ANO1: variants seen among roughly 807,000 people sequenced by gnomAD.
The protein encoded by ANO1 is anoctamin 1.
A neutral mutation model predicts 124.0 loss-of-function variants in ANO1; 59 were observed. The observed-to-expected ratio is 0.48, with a 90% CI of 0.39 to 0.59. The LOEUF is 0.59. Ranked by LOEUF, ANO1 falls within the 20% of genes least tolerant of loss-of-function variation. ANO1 has a pLI of 0.00. For synonymous variants in ANO1, 529 were observed against 532.0 expected (o/e 0.99, Z 0.08); for missense variants, 1,059 against 1,328.0 (o/e 0.80, Z 3.15).
At chr11:70,032,370 G>A (rs1857016842) in intron 1 of ANO1, among the ~76,000 whole-genome samples, 2 of 152,132 alleles carry the variant, frequency 1.3e-5, no homozygotes, top group Non-Finnish European at 2.9e-5. Flanking sequence ...GCAGGCAGGT[G>A]CCCCTGGGAG....
At position 70,062,146 on chromosome 11, in the gene ANO1, G is replaced by A. The variant is rs144808514; in HGVS notation, c.59-16396G>A. 3.1e-3 allele frequency among the ~76,000 whole-genome samples: 406 copies of A among 132,842 alleles called. 3 individuals carry two copies. The highest frequency in any genetic ancestry group is 0.011 in the African/African-American group (381 of 34,576). 87.1% of individuals were successfully genotyped at this position (132,842 alleles called of 152,430 possible). On this transcript the variant is annotated intron_variant, in intron 1 of 27. Coordinates refer to the ANO1 transcript ENST00000531349. The stretch of plus-strand genomic sequence containing the variant: ...GGCTGGAGTGCAATGGTGCAATCTT[G>A]GCTCACTGCAACCTCTGCCTCTGAG...
intron 11 of ANO1, among the ~76,000 whole-genome samples, chr11:70,143,938 T>C (rs1049704923): frequency 2.0e-5 from 3 of 152,132 alleles, no homozygotes; most frequent in African/African-American, 7.2e-5. Context: ...CCAGAACATT[T>C]TCATGACCTC....
chr11:70,145,151 C>T (rs941757350), intron 11 of ANO1, among the ~76,000 whole-genome samples: 5 of 152,146 alleles, frequency 3.3e-5, no homozygotes, highest in African/African-American at 9.7e-5. Context: ...TTCCTGCCTT[C>T]GCTCACTCCA....
intron 1 of ANO1, among the ~76,000 whole-genome samples, chr11:69,988,090 A>G (rs1856084343): frequency 6.6e-6 from 1 of 152,222 alleles, no homozygotes; most frequent in South Asian, 2.1e-4. Flanking sequence ...CGCAGTAGGC[A>G]TGAAGAAATT....
the ANO1 span, among the ~76,000 whole-genome samples, chr11:69,975,963 T>C: frequency 6.6e-6 from 1 of 152,194 alleles, no homozygotes; most frequent in South Asian, 2.1e-4. Context: ...TTGGCCTTGC[T>C]GTCCTCTGCG....
rs146309463 is a variant in ANO1, at chr11:70,180,355, C to T, written c.2403+299C>T. ...TGGCACGATCTCAGCTCCCTACAAC[C>T]TCCGCCTCCCAGGTTCAAGCTATTC... On this transcript the variant is annotated intron_variant, in intron 23 of 25. Transcript: ENST00000355303. Among the ~76,000 whole-genome samples the T allele has an allele frequency of 8.1e-3, 1,236 of 152,246 alleles. 24 individuals are homozygous for T. Among genetic ancestry groups the T allele is most frequent in the African/African-American group, 0.028 (1,174 of 41,526 alleles).
At chr11:70,012,259 C>T (rs1555001231) in intron 1 of ANO1, among the ~76,000 whole-genome samples, 1 of 151,366 alleles carries the variant, frequency 6.6e-6, no homozygotes, top group Admixed American at 6.6e-5. Flanking sequence ...TCCATTTGTC[C>T]ATCTATTCAT....
intron 11 of ANO1, among the ~76,000 whole-genome samples, chr11:70,133,618 C>G (rs2046844460): frequency 6.6e-6 from 1 of 152,244 alleles, no homozygotes; most frequent in Non-Finnish European, 1.5e-5. Context: ...TGTCCCTACA[C>G]AGCTCGGCAG....
chr11:70,078,693 C>A lies in ANO1; in HGVS notation c.87C>A (p.Gly29=). The A allele has an allele frequency of 6.7e-7, 1 of 1,488,060 alleles. No individual in the cohort carries two copies. The highest frequency in any genetic ancestry group is 9.0e-7 in the Non-Finnish European group (1 of 1,107,718). 92.2% of individuals were successfully genotyped at this position (1,488,060 alleles called of 1,614,324 possible). Reference sequence around the variant, plus strand: ...ACATCTGCGCCATCGAGGACATCGGCTACCTGCCGTCCGAGGGCACGGTGA... The same window carrying A: ...ACATCTGCGCCATCGAGGACATCGGATACCTGCCGTCCGAGGGCACGGTGA... ...IINICAIEDI[G]YLPSEGTLLN... Residue 29 remains glycine (G), a synonymous_variant, in exon 1 of 26, where the codon GGC becomes GGA. Transcript: ENST00000355303.
chr11:70,159,145 A>G (rs540361195), intron 16 of ANO1, among the ~76,000 whole-genome samples: 38 of 152,248 alleles, frequency 2.5e-4, no homozygotes, highest in African/African-American at 8.2e-4. Flanking sequence ...ACCTTCTGCT[A>G]GCCTGTCCTA....
At chr11:70,172,183 CA>C (rs987491701) in intron 22 of ANO1, among the ~76,000 whole-genome samples, 25 of 148,630 alleles carry the variant, frequency 1.7e-4, no homozygotes, top group Admixed American at 6.7e-4. Context: ...TCAGAGGTGT[CA>C]AAAACAGAGC....
chr11:69,972,341 G>A, the ANO1 span, among the ~76,000 whole-genome samples: 6 of 151,996 alleles, frequency 3.9e-5, no homozygotes, highest in South Asian at 2.1e-4. Flanking sequence ...TGAAATGAGT[G>A]CCCAGTCACT....
At chr11:70,076,173 G>A (rs1565175003), upstream of ANO1, among the ~76,000 whole-genome samples, 1 of 152,230 alleles carries the variant, frequency 6.6e-6, no homozygotes, top group African/African-American at 2.4e-5. Flanking sequence ...AGTGGCAATA[G>A]CAAAGAAAGT....
chr11:70,089,171 C>A (rs937582755), intron 2 of ANO1, among the ~76,000 whole-genome samples: 12 of 152,246 alleles, frequency 7.9e-5, no homozygotes, highest in African/African-American at 2.6e-4. Flanking sequence ...CATCACTGTG[C>A]GGATTACCCA....
At chr11:69,979,261 A>G in the ANO1 span, among the ~76,000 whole-genome samples, 1 of 152,196 alleles carries the variant, frequency 6.6e-6, no homozygotes, top group Non-Finnish European at 1.5e-5. Context: ...GCTCCTGGTA[A>G]TAACATTTTG....
intron 25 of ANO1, 38 bp from the exon 26 acceptor site, chr11:70,187,700 C>A (rs747798868): frequency 6.3e-7 from 1 of 1,580,298 alleles, no homozygotes; most frequent in Non-Finnish European, 8.6e-7. Context: ...TCCCCAGGCG[C>A]CATCCTCCCT....
At chr11:70,029,488 G>C (rs544871819) in intron 1 of ANO1, among the ~76,000 whole-genome samples, 2 of 152,286 alleles carry the variant, frequency 1.3e-5, no homozygotes, top group Admixed American at 1.3e-4. Flanking sequence ...GCAGGGAGGA[G>C]TCTCCACCCC....
At chr11:70,035,568 G>A (rs776606632) in intron 1 of ANO1, among the ~76,000 whole-genome samples, 3 of 149,050 alleles carry the variant, frequency 2.0e-5, no homozygotes, top group Non-Finnish European at 1.5e-5. Context: ...TATGCAGAAC[G>A]TGCAGGTTTG....
At chr11:69,977,887 A>T in the ANO1 span, among the ~76,000 whole-genome samples, 13 of 152,250 alleles carry the variant, frequency 8.5e-5, no homozygotes, top group East Asian at 2.5e-3. Context: ...GGAATGAATT[A>T]TCTCCCCTCT....
Sources: gnomAD v4.1 joint callset for allele counts (sites outside exome capture counted in the v4.1 genomes callset) on GRCh38, gnomAD v4.1.1 for gene constraint, MANE v1.5 for transcripts, NCBI Gene and HGNC (gene_info 2026-07-23, HGNC 2026-07-21) for gene names.